The following CHST12 variants were observed in gnomAD, a reference collection of about 807,000 sequenced individuals.
CHST12 encodes carbohydrate (chondroitin 4) sulfotransferase 12.
Under a neutral mutation model 27.9 loss-of-function variants are expected in CHST12, and 23 were observed. That is an observed-to-expected ratio of 0.82 (90% CI 0.59 to 1.17). CHST12 has a LOEUF of 1.17. CHST12 is among the 50% of genes most tolerant of loss of function. The pLI, the probability that CHST12 is intolerant of heterozygous loss-of-function variation, is 0.00. For missense variants in CHST12, 682 were observed against 603.0 expected (o/e 1.13, Z -1.37); for synonymous variants, 322 against 273.0 (o/e 1.18, Z -1.77).
intron 1 of CHST12, among the ~76,000 whole-genome samples, chr7:2,426,692 T>C (rs987471767): frequency 3.3e-5 from 5 of 151,082 alleles, no homozygotes; most frequent in Non-Finnish European, 5.9e-5. Context: ...CATACAAGAG[T>C]GACAGGAGAG....
intron 1 of CHST12, among the ~76,000 whole-genome samples, chr7:2,423,207 A>G (rs1345009734): frequency 6.6e-6 from 1 of 152,056 alleles, no homozygotes; most frequent in Non-Finnish European, 1.5e-5. Flanking sequence ...TGGGAGGTGG[A>G]GGCTGTGGTG....
chr7:2,413,622 C>G (rs554024902), intron 1 of CHST12, among the ~76,000 whole-genome samples: 33 of 152,094 alleles, frequency 2.2e-4, no homozygotes, highest in African/African-American at 7.0e-4. Context: ...ACGTCTGGCT[C>G]CTTTTTCAGT....
intron 1 of CHST12, among the ~76,000 whole-genome samples, chr7:2,425,706 G>C (rs928250996): frequency 7.8e-6 from 1 of 128,548 alleles, no homozygotes; most frequent in Non-Finnish European, 1.6e-5. Flanking sequence ...TTTTTTTTTT[G>C]TCTTTTGTCA....
At position 2,440,466 on chromosome 7, in the gene CHST12, A is replaced by C. The variant is rs1782575155; in HGVS notation, c.*6582A>C. On this transcript the variant is annotated 3_prime_UTR_variant, in exon 2 of 2. Transcript: ENST00000618655. The stretch of plus-strand genomic sequence containing the variant: ...AAATTCTAGCTCAGGTCTTTGGGGT[A>C]GTGTTTGACCTGAACTCTGAAAGGC... The C allele has an allele frequency of 6.6e-6, 1 of 152,384 alleles. No individual in the cohort carries two copies. The highest frequency in any genetic ancestry group is 2.4e-5 in the African/African-American group (1 of 41,418). The allele number at this position is 152,384 out of a possible 1,614,324, so 9.4% of individuals were successfully genotyped here.
intron 1 of CHST12, among the ~76,000 whole-genome samples, chr7:2,417,475 C>T (rs1012669688): frequency 3.3e-5 from 5 of 151,020 alleles, no homozygotes; most frequent in African/African-American, 4.9e-5. Flanking sequence ...CTGCAACCTC[C>T]GCCTCCCAGG....
chr7:2,430,145 C>T (rs913940553), intron 1 of CHST12, among the ~76,000 whole-genome samples: 1 of 152,028 alleles, frequency 6.6e-6, no homozygotes, highest in Non-Finnish European at 1.5e-5. Context: ...TTTTCATTCT[C>T]ATTCTATTCT....
Position 2,434,004 on chromosome 7 carries a change from G to A in CHST12, c.*120G>A. On this transcript the variant is annotated 3_prime_UTR_variant, in exon 2 of 2. Coordinates refer to ENST00000618655, the MANE Select transcript of CHST12 (RefSeq NM_018641.5). ...GTTCACTCCACTGCCTCTATCCATTGAGTACTGTATCGATATTGTTTTTTA... is the reference window on the plus strand; with the variant it reads ...GTTCACTCCACTGCCTCTATCCATTAAGTACTGTATCGATATTGTTTTTTA... 1.3e-6 allele frequency: 1 copy of A among 750,448 alleles called. No homozygotes were observed. The allele number at this position is 750,448 out of a possible 1,614,324, so 46.5% of individuals were successfully genotyped here.
In CHST12 at chr7:2,441,526, C is replaced by T. The variant is rs928227564; in HGVS notation, c.*7642C>T. ...TGGGCAACATAGTGGAAACTTGTCTCTCCAAAAGCTAAAAGAAAAAGCCGT... is the reference window on the plus strand; with the variant it reads ...TGGGCAACATAGTGGAAACTTGTCTTTCCAAAAGCTAAAAGAAAAAGCCGT... On this transcript the variant is annotated 3_prime_UTR_variant, in exon 2 of 2. Coordinates refer to ENST00000618655, the MANE Select transcript of CHST12 (RefSeq NM_018641.5). 1 of 151,932 alleles carries T rather than the reference C, an allele frequency of 6.6e-6. No homozygotes were observed. Among genetic ancestry groups the T allele is most frequent in the Admixed American group, 6.6e-5 (1 of 15,238 alleles). 9.4% of individuals were successfully genotyped at this position (151,932 alleles called of 1,614,324 possible).
Position 2,433,214 on chromosome 7 carries a change from G to T in CHST12, c.575G>T (p.Arg192Leu). The T allele has an allele frequency of 6.2e-7, 1 of 1,612,582 alleles. No individual in the cohort carries two copies. The highest frequency in any genetic ancestry group is 8.5e-7 in the Non-Finnish European group (1 of 1,179,484). The change falls in exon 2 of 2, where the codon CGC becomes CTC. Residue 192 changes from arginine to leucine, a missense_variant. Arg to Leu is a moderately radical substitution (Grantham distance 102, BLOSUM62 -2). Coordinates refer to ENST00000618655, the MANE Select transcript of CHST12 (RefSeq NM_018641.5). This position sits in a 1 kb window ranked among gnomAD's most constrained non-coding sequence, Gnocchi z 6.1. ...GTGCTGAGCGGAAGCCTGCTGCACC[G>T]CGGTGCGCCCTACCGCGACCCGCTG... ...MIVLSGSLLH[R>L]GAPYRDPLRI...
chr7:2,416,047 A>AT (rs1353711027), intron 1 of CHST12, among the ~76,000 whole-genome samples: 2 of 152,202 alleles, frequency 1.3e-5, no homozygotes, highest in Non-Finnish European at 2.9e-5. Flanking sequence ...ATTGTAGTCA[A>AT]TCTTCTCAAA....
intron 1 of CHST12, chr7:2,404,078 A>C (rs1044347014): frequency 6.6e-6 from 1 of 152,006 alleles, no homozygotes; most frequent in African/African-American, 2.4e-5. Flanking sequence ...GGTAGGACCA[A>C]TTCCCGGGCT....
At chr7:2,426,402 G>A (rs1436687533) in intron 1 of CHST12, among the ~76,000 whole-genome samples, 1 of 152,154 alleles carries the variant, frequency 6.6e-6, no homozygotes, top group East Asian at 1.9e-4. Context: ...GAGTGAGAGC[G>A]GGAGTAATTA....
rs1200003740 is a variant in CHST12, at chr7:2,441,417, A to AG, written c.*7538dup. ...ATAGTAATGATAAGAATATGGCTGC[A>AG]GGGGGCAGCTTATGCCTGTAATCCC... is the stretch of plus-strand genomic sequence containing the variant. On this transcript the variant is annotated 3_prime_UTR_variant, in exon 2 of 2. Coordinates refer to ENST00000618655, the MANE Select transcript of CHST12 (RefSeq NM_018641.5). 1.3e-5 allele frequency: 2 copies of AG among 152,234 alleles called. No homozygotes were observed. Among genetic ancestry groups the AG allele is most frequent in the Non-Finnish European group, 2.9e-5 (2 of 68,044 alleles). The allele number at this position is 152,234 out of a possible 1,614,324, so 9.4% of individuals were successfully genotyped here.
chr7:2,423,447 C>T (rs559529657), intron 1 of CHST12, among the ~76,000 whole-genome samples: 27 of 151,958 alleles, frequency 1.8e-4, no homozygotes, highest in Non-Finnish European at 3.2e-4. Flanking sequence ...CAGCGGGGGC[C>T]GTGGAGAGAC....
chr7:2,433,504 C>T lies in CHST12; in HGVS notation c.865C>T (p.Arg289Cys). Residue 289 changes from arginine (R) to cysteine (C), a missense_variant, in exon 2 of 2, where the codon CGC becomes TGC. Transcript: ENST00000618655. This position sits in a 1 kb window ranked among gnomAD's most constrained non-coding sequence, Gnocchi z 6.1. ...ANHTSLPASA[R>C]EAFRAGLKVS... ...CCACACCAGCCTGCCCGCCTCGGCG[C>T]GCGAGGCCTTCCGCGCTGGCCTCAA... The T allele has an allele frequency of 6.2e-7, 1 of 1,612,244 alleles. No individual in the cohort carries two copies. Among genetic ancestry groups the T allele is most frequent in the South Asian group, 1.1e-5 (1 of 91,070 alleles).
rs1782808645 is a variant in CHST12, at chr7:2,448,435, C to T, written c.*14551C>T. The T allele has an allele frequency of 6.6e-6, 1 of 152,352 alleles. No individual in the cohort carries two copies. Among genetic ancestry groups the T allele is most frequent in the African/African-American group, 2.4e-5 (1 of 41,454 alleles). 9.4% of individuals were successfully genotyped at this position (152,352 alleles called of 1,614,324 possible). A position where few individuals can be genotyped will look rare whatever the true frequency, so the allele number is the denominator to read the frequency against. On this transcript the variant is annotated 3_prime_UTR_variant, in exon 2 of 2. Coordinates refer to ENST00000618655, the MANE Select transcript of CHST12 (RefSeq NM_018641.5). Reference sequence around the variant, plus strand: ...AGGACCTCACAGAGCACCACGTCCTCTTCTGTGTCATATGCAGCTGGATCT... The same window carrying T: ...AGGACCTCACAGAGCACCACGTCCTTTTCTGTGTCATATGCAGCTGGATCT...
At chr7:2,421,933 A>T (rs1781985516) in intron 1 of CHST12, among the ~76,000 whole-genome samples, 1 of 152,196 alleles carries the variant, frequency 6.6e-6, no homozygotes, top group Non-Finnish European at 1.5e-5. Flanking sequence ...CTGAAATCTT[A>T]TTAAATTATC....
rs994115552 is a variant in CHST12, at chr7:2,447,330, G to A, written c.*13446G>A. ...AACCTTCTGTTCGGTGACCCCCTCA[G>A]TGACCCTCTGTGCTTGCCTTCGTGG... On this transcript the variant is annotated 3_prime_UTR_variant, in exon 2 of 2. Transcript: ENST00000618655. The A allele has an allele frequency of 2.0e-5, 3 of 152,226 alleles. No individual in the cohort carries two copies. Among genetic ancestry groups the A allele is most frequent in the African/African-American group, 4.8e-5 (2 of 41,452 alleles). The allele number at this position is 152,226 out of a possible 1,614,324, so 9.4% of individuals were successfully genotyped here. A position where few individuals can be genotyped will look rare whatever the true frequency, so the allele number is the denominator to read the frequency against.
In CHST12 at chr7:2,432,653, G is replaced by C; in HGVS notation, c.14G>C (p.Arg5Pro). 1.9e-6 allele frequency: 3 copies of C among 1,608,152 alleles called. No individual in the cohort carries two copies. The highest frequency in any genetic ancestry group is 2.6e-6 in the Non-Finnish European group (3 of 1,175,366). The change falls in exon 2 of 2, where the codon CGG becomes CCG. Residue 5 changes from arginine to proline, a missense_variant. Arg to Pro is a moderately radical substitution (Grantham distance 103). Transcript: ENST00000618655. MTKA[R>P]LFRLWLVLGS... Reference sequence around the variant, plus strand: ...GCCCGGGGCAGGATGACCAAGGCCCGGCTGTTCCGGCTGTGGCTGGTGCTG... The same window carrying C: ...GCCCGGGGCAGGATGACCAAGGCCCCGCTGTTCCGGCTGTGGCTGGTGCTG...
Sources: gnomAD v4.1 joint callset for allele counts (sites outside exome capture counted in the v4.1 genomes callset) on GRCh38, gnomAD v4.1.1 for gene constraint, Gnocchi (gnomAD v3.1) non-coding constraint, MANE v1.5 for transcripts, NCBI Gene and HGNC (gene_info 2026-07-23, HGNC 2026-07-21) for gene names.